MAOB: variants seen among roughly 807,000 people sequenced by gnomAD.
The protein encoded by MAOB is monoamine oxidase B.
A neutral mutation model predicts 41.9 loss-of-function variants in MAOB; 15 were observed. The ratio of observed to expected loss-of-function variants is 0.36; its 90% CI spans 0.24 to 0.55. The LOEUF (loss-of-function observed/expected upper bound fraction) is 0.55, where lower values mean the gene tolerates loss of function less well. Among genes scored for constraint, MAOB ranks in the 20% least tolerant of loss-of-function variants. The pLI, the probability that MAOB is intolerant of heterozygous loss-of-function variation, is 0.86. For missense variants in MAOB, 345 were observed against 398.7 expected (o/e 0.87, Z 1.15); for synonymous variants, 167 against 144.2 (o/e 1.16, Z -1.13).
In MAOB at chrX:43,803,300, C is replaced by T; in HGVS notation, c.384G>A (p.Glu128=). 8.8e-7 allele frequency: 1 copy of T among 1,141,471 alleles called. No homozygotes were observed. Among genetic ancestry groups the T allele is most frequent in the Non-Finnish European group, 1.2e-6 (1 of 864,863 alleles). The allele number at this position is 1,141,471 out of a possible 1,213,427, so 94.1% of individuals were successfully genotyped here. The change falls in exon 4 of 15, where the codon GAG becomes GAA. Residue 128 remains glutamate, a splice_region_variant and synonymous_variant. Coordinates refer to ENST00000378069, the MANE Select transcript of MAOB (RefSeq NM_000898.5). ...ACAAATATAGTCAAAGAAGCTTTACCTCTCGCCCCATGTCATCCATTGTCC... is the reference window on the plus strand; with the variant it reads ...ACAAATATAGTCAAAGAAGCTTTACTTCTCGCCCCATGTCATCCATTGTCC... ...FWRTMDDMGR[E]IPSDAPWKAP...
intron 1 of MAOB, among the ~76,000 whole-genome samples, chrX:43,859,686 A>G (rs2035319647): frequency 9.0e-6 from 1 of 111,597 alleles, no homozygotes; most frequent in Non-Finnish European, 1.9e-5. Context: ...TTCCATCCCT[A>G]TCAGGGCTTC....
chrX:43,774,062 T>G (rs1217787284), intron 12 of MAOB, among the ~76,000 whole-genome samples: 1 of 111,996 alleles, frequency 8.9e-6, no homozygotes, highest in Non-Finnish European at 1.9e-5. Flanking sequence ...TTATTACGTA[T>G]CTTCTGATAA....
At chrX:43,860,305 G>A (rs960971304) in intron 1 of MAOB, among the ~76,000 whole-genome samples, 1 of 111,667 alleles carries the variant, frequency 9.0e-6, no homozygotes, top group African/African-American at 3.3e-5. Flanking sequence ...CTTCCTCTAT[G>A]TAATAATCAT....
At chrX:43,857,160 G>GA (rs2035302563) in intron 1 of MAOB, among the ~76,000 whole-genome samples, 1 of 55,996 alleles carries the variant, frequency 1.8e-5, no homozygotes, top group East Asian at 6.6e-4. Context: ...GAGAGAGAGA[G>GA]AGAGAAGAAG....
intron 3 of MAOB, among the ~76,000 whole-genome samples, chrX:43,822,755 A>C (rs2147152087): frequency 9.0e-6 from 1 of 111,535 alleles, no homozygotes; most frequent in African/African-American, 3.3e-5. Flanking sequence ...GCCATTTCAA[A>C]GGAGAAGTCA....
chrX:43,821,112 T>C (rs2034874396), intron 3 of MAOB, among the ~76,000 whole-genome samples: 1 of 111,906 alleles, frequency 8.9e-6, no homozygotes, highest in African/African-American at 3.3e-5. Context: ...AAAGCCCCTT[T>C]CTACACACAC....
chrX:43,872,693 A>C (rs749470953), intron 1 of MAOB, among the ~76,000 whole-genome samples: 2 of 112,272 alleles, frequency 1.8e-5, no homozygotes, highest in South Asian at 7.4e-4. Flanking sequence ...TAATGTTATA[A>C]AATCATGAAA....
Position 43,831,029 on chromosome X carries a change from GTGTA to G in MAOB, c.279+7835_279+7838del, listed in dbSNP as rs1296878399. Among the ~76,000 whole-genome samples, 6 of 106,779 alleles carry G rather than the reference GTGTA, an allele frequency of 5.6e-5. No individual in the cohort carries two copies. The East Asian group carries it at 1.2e-3, about 21-fold the overall frequency. The allele number at this position is 106,779 out of a possible 115,157, so 92.7% of individuals were successfully genotyped here. ...TGTGTGTGTGTGTGTGTGTGTGTGT[GTGTA>G]TGTGTCAGACACTCAGAAAATTCTG... is the stretch of plus-strand genomic sequence containing the variant. On this transcript the variant is annotated intron_variant, in intron 3 of 14. Transcript: ENST00000378069.
intron 8 of MAOB, among the ~76,000 whole-genome samples, chrX:43,787,243 G>T (rs3027444): frequency 0.034 from 3,768 of 111,190 alleles, 186 homozygotes; most frequent in African/African-American, 0.12. Context: ...AATAAAATAA[G>T]TCAATAGAAG....
chrX:43,810,191 C>T (rs1290109200), intron 3 of MAOB, among the ~76,000 whole-genome samples: 1 of 87,776 alleles, frequency 1.1e-5, no homozygotes, highest in Non-Finnish European at 2.1e-5. Context: ...TGCAGTGAGC[C>T]GAGATCGCGC....
At chrX:43,833,522 G>A (rs899282894) in intron 3 of MAOB, among the ~76,000 whole-genome samples, 3 of 111,247 alleles carry the variant, frequency 2.7e-5, no homozygotes, top group African/African-American at 6.5e-5. Flanking sequence ...CTTTTGGTGA[G>A]CTGGGCCCCC....
chrX:43,881,332 C>G (rs756110971), intron 1 of MAOB, among the ~76,000 whole-genome samples: 9 of 113,383 alleles, frequency 7.9e-5, no homozygotes, highest in Non-Finnish European at 1.7e-4. Context: ...AATGCATCCA[C>G]GGGTCTGGAG....
At chrX:43,853,267 CAAAA>C (rs397957481) in intron 1 of MAOB, among the ~76,000 whole-genome samples, 14 of 26,456 alleles carry the variant, frequency 5.3e-4, no homozygotes, top group Middle Eastern at 0.023. Flanking sequence ...GAGTCCGTCT[CAAAA>C]AAAAAAAAAA....
chrX:43,844,633 A>G (rs2035179282), intron 1 of MAOB: 1 of 112,358 alleles, frequency 8.9e-6, no homozygotes, highest in Non-Finnish European at 1.9e-5. Context: ...ATCCAATCCA[A>G]TCGGCTGGGG....
At chrX:43,770,444 C>T (rs1256986938) in intron 12 of MAOB, among the ~76,000 whole-genome samples, 1 of 111,705 alleles carries the variant, frequency 9.0e-6, no homozygotes, top group Non-Finnish European at 1.9e-5. Context: ...GGGTCTGCTT[C>T]CTGGAACCTA....
chrX:43,820,638 T>C (rs969385073), intron 3 of MAOB, among the ~76,000 whole-genome samples: 18 of 112,022 alleles, frequency 1.6e-4, no homozygotes, highest in Non-Finnish European at 3.4e-4. Context: ...ATACCAGAGG[T>C]GAGAGCACAG....
chrX:43,857,100 TATATATATATATATATAGAGAG>T (rs1269780674), intron 1 of MAOB, among the ~76,000 whole-genome samples: 2 of 23,097 alleles, frequency 8.7e-5, no homozygotes, highest in Non-Finnish European at 1.4e-4. Flanking sequence ...TATATATATA[TATATATATATATATATAGAGAG>T]AGAGAGAGAG....
chrX:43,798,958 C>T (rs1005938751), intron 5 of MAOB, among the ~76,000 whole-genome samples: 6 of 111,727 alleles, frequency 5.4e-5, no homozygotes, highest in Middle Eastern at 9.3e-3. Context: ...TCGTACTTGA[C>T]GCAAAACTCG....
At chrX:43,799,670 G>T (rs1009378556) in intron 5 of MAOB, among the ~76,000 whole-genome samples, 3 of 111,457 alleles carry the variant, frequency 2.7e-5, no homozygotes, top group African/African-American at 9.8e-5. Flanking sequence ...GGTCAAGGAA[G>T]TTAGTGCAAT....
Sources: gnomAD v4.1 joint callset for allele counts (sites outside exome capture counted in the v4.1 genomes callset) on GRCh38, gnomAD v4.1.1 for gene constraint, MANE v1.5 for transcripts, NCBI Gene and HGNC (gene_info 2026-07-23, HGNC 2026-07-21) for gene names.